LARGE1: variants seen among roughly 807,000 people sequenced by gnomAD.
LARGE1 encodes LARGE xylosyl- and glucuronyltransferase 1.
LARGE1 carries 43 observed loss-of-function variants against 87.6 expected under a neutral mutation model. The observed-to-expected ratio is 0.49, with a 90% confidence interval of 0.38 to 0.63. LARGE1 has a LOEUF of 0.63. Among genes scored for constraint, LARGE1 ranks in the 30% least tolerant of loss-of-function variants. The probability of loss-of-function intolerance (pLI) is 0.00; values close to 1 mark genes in which losing one functional copy is unlikely to be tolerated. For missense variants in LARGE1, 802 were observed against 1,000.2 expected (o/e 0.80, Z 2.67); for synonymous variants, 434 against 394.6 (o/e 1.10, Z -1.18).
At chr22:33,549,158 T>C (rs1210766416) in intron 6 of LARGE1, among the ~76,000 whole-genome samples, 3 of 152,250 alleles carry the variant, frequency 2.0e-5, no homozygotes, top group Non-Finnish European at 4.4e-5. Flanking sequence ...GGACCCTGCA[T>C]ACATACCTCT....
chr22:33,536,787 T>C (rs2148611160), intron 6 of LARGE1, among the ~76,000 whole-genome samples: 1 of 152,006 alleles, frequency 6.6e-6, no homozygotes, highest in Non-Finnish European at 1.5e-5. Flanking sequence ...TGGAATAAAG[T>C]TGAAAGGCCA....
the LARGE1 span, among the ~76,000 whole-genome samples, chr22:33,070,288 A>G: frequency 2.0e-5 from 3 of 152,180 alleles, no homozygotes; most frequent in Admixed American, 2.0e-4. Flanking sequence ...TTTGTTTAAT[A>G]TACATATATA....
chr22:33,850,218 C>A (rs2063548387), intron 1 of LARGE1, among the ~76,000 whole-genome samples: 1 of 152,112 alleles, frequency 6.6e-6, no homozygotes, highest in African/African-American at 2.4e-5. Context: ...CTACCACCAG[C>A]AGCAGCAATA....
intron 6 of LARGE1, among the ~76,000 whole-genome samples, chr22:33,493,641 A>C (rs1308124553): frequency 6.6e-6 from 1 of 152,204 alleles, no homozygotes; most frequent in Non-Finnish European, 1.5e-5. Context: ...CCTATGAAGT[A>C]GGCAGTATGA....
chr22:33,283,233 T>G lies in LARGE1; in HGVS notation c.1846A>C (p.Met616Leu), dbSNP rs781142917. 6.2e-7 allele frequency: 1 copy of G among 1,614,154 alleles called. No homozygotes were observed. Among genetic ancestry groups the G allele is most frequent in the East Asian group, 2.2e-5 (1 of 44,878 alleles). The change falls in exon 13 of 15, where the codon ATG (methionine) becomes CTG (leucine). Residue 616 changes from methionine (M) to leucine (L), a missense_variant. Physicochemically the swap from Met to Leu is conservative, Grantham distance 15. Transcript: ENST00000397394. Reference sequence around the variant, plus strand: ...GTGAAGAGGGTCCCCATGTCCAGCATTGACAGCAACTCCGCTTTTGACTTG... The same window carrying G: ...GTGAAGAGGGTCCCCATGTCCAGCAGTGACAGCAACTCCGCTTTTGACTTG... ...FPKSKAELLSMLDMGTLFTFR... is the reference protein window; with the variant it reads ...FPKSKAELLSLLDMGTLFTFR...
Position 33,203,563 on chromosome 22 carries a change from C to T in LARGE1, c.1731-36731G>A, listed in dbSNP as rs138707098. Among the ~76,000 whole-genome samples the T allele has an allele frequency of 7.1e-3, 1,082 of 152,104 alleles. 8 individuals carry two copies. The highest frequency in any genetic ancestry group is 0.012 in the Non-Finnish European group (841 of 67,992). On this transcript the variant is annotated intron_variant, in intron 11 of 11. Coordinates refer to the LARGE1 transcript ENST00000608642. ...TTCCACAGCTGTCAGTGTTTTCAGC[C>T]GGGGCATGGAGAGGTTGTTTATAGT...
chr22:33,091,642 A>G, the LARGE1 span, among the ~76,000 whole-genome samples: 2 of 152,200 alleles, frequency 1.3e-5, no homozygotes, highest in African/African-American at 4.8e-5. Context: ...AGATGATAGC[A>G]TGGTAAAGCG....
At chr22:33,757,330 G>A (rs868581878) in intron 2 of LARGE1, among the ~76,000 whole-genome samples, 1 of 152,170 alleles carries the variant, frequency 6.6e-6, no homozygotes, top group Non-Finnish European at 1.5e-5. Context: ...CCCTTAATCG[G>A]GGAAGATTCT....
intron 7 of LARGE1, among the ~76,000 whole-genome samples, chr22:33,415,101 G>A (rs1024834842): frequency 6.6e-6 from 1 of 152,192 alleles, no homozygotes; most frequent in African/African-American, 2.4e-5. Flanking sequence ...CAGGATGCAT[G>A]AGCAATAAAG....
At chr22:33,400,807 T>C (rs1220603811) in intron 7 of LARGE1, among the ~76,000 whole-genome samples, 3 of 152,238 alleles carry the variant, frequency 2.0e-5, no homozygotes, top group Non-Finnish European at 4.4e-5. Context: ...AAGCAGACGC[T>C]GAAAACACAT....
At chr22:33,909,571 T>C (rs2065565724) in intron 1 of LARGE1, among the ~76,000 whole-genome samples, 1 of 152,038 alleles carries the variant, frequency 6.6e-6, no homozygotes, top group African/African-American at 2.4e-5. Flanking sequence ...AGTCTCGCTC[T>C]GTCATCCAGG....
rs112061045 is a variant in LARGE1, at chr22:33,427,757, G to A, written c.892+4404C>T. The stretch of plus-strand genomic sequence containing the variant: ...GTTTACCCCAGGCACACGTGGCTGC[G>A]CCACCACAACAGAGCCTCCGAGTGG... On this transcript the variant is annotated intron_variant, in intron 7 of 14. Coordinates refer to ENST00000397394, the MANE Select transcript of LARGE1 (RefSeq NM_133642.5). Among the ~76,000 whole-genome samples, 7 of 152,314 alleles carry A rather than the reference G, an allele frequency of 4.6e-5. 1 individual carries two copies. Among genetic ancestry groups the A allele is most frequent in the South Asian group, 4.1e-4 (2 of 4,826 alleles).
intron 11 of LARGE1, among the ~76,000 whole-genome samples, chr22:33,194,981 T>C (rs1228691188): frequency 2.6e-5 from 4 of 152,202 alleles, no homozygotes; most frequent in African/African-American, 4.8e-5. Context: ...CACCCTAAAG[T>C]TGCCCAAGGT....
intron 2 of LARGE1, among the ~76,000 whole-genome samples, chr22:33,695,278 A>G (rs1603182208): frequency 6.6e-6 from 1 of 151,730 alleles, no homozygotes; most frequent in African/African-American, 2.4e-5. Context: ...TAATTTTTCT[A>G]TTTTTAGTAG....
chr22:33,383,269 CTATT>C (rs2065215628), intron 8 of LARGE1, among the ~76,000 whole-genome samples: 1 of 152,120 alleles, frequency 6.6e-6, no homozygotes, highest in African/African-American at 2.4e-5. Flanking sequence ...TAAAAAATGA[CTATT>C]TGTTGGCTGG....
intron 6 of LARGE1, among the ~76,000 whole-genome samples, chr22:33,554,886 C>T (rs1262932258): frequency 9.2e-5 from 14 of 152,170 alleles, no homozygotes; most frequent in Admixed American, 8.5e-4. Context: ...TTATCGGGCA[C>T]CTTCTATGTG....
Position 33,683,344 on chromosome 22 carries a change from C to A in LARGE1, c.107-32676G>T, listed in dbSNP as rs1038990338. On this transcript the variant is annotated intron_variant, in intron 2 of 14. Transcript: ENST00000397394. ...GAGCTGGGACACTGGTCTTTTCTTG[C>A]CTTTAAACTTGAACAGAAATATAGC... Among the ~76,000 whole-genome samples, 4 of 152,160 alleles carry A rather than the reference C, an allele frequency of 2.6e-5. No homozygotes were observed. In the East Asian group the frequency reaches 5.8e-4, roughly 22 times the overall value.
At chr22:33,558,744 A>G (rs1361214637) in intron 6 of LARGE1, among the ~76,000 whole-genome samples, 1 of 152,216 alleles carries the variant, frequency 6.6e-6, no homozygotes, top group Middle Eastern at 3.2e-3. Flanking sequence ...AACTGATTAT[A>G]AGCATAAAAT....
chr22:33,845,924 G>T (rs1480676197), intron 1 of LARGE1, among the ~76,000 whole-genome samples: 1 of 152,110 alleles, frequency 6.6e-6, no homozygotes, highest in Non-Finnish European at 1.5e-5. Flanking sequence ...ACCACACTAA[G>T]AAAAGAACAT....
Sources: allele counts gnomAD v4.1 joint callset (sites outside exome capture counted in the v4.1 genomes callset), GRCh38; gene constraint gnomAD v4.1.1; transcripts MANE v1.5; gene names NCBI Gene and HGNC (gene_info 2026-07-23, HGNC 2026-07-21).